ATG2A: variants seen among roughly 807,000 people sequenced by gnomAD.
The protein encoded by ATG2A is autophagy-related protein 2 homolog A.
In ATG2A, 103 loss-of-function variants were observed where a neutral mutation model predicts 214.2. The observed-to-expected ratio is 0.48, with a 90% CI of 0.41 to 0.57. The LOEUF (loss-of-function observed/expected upper bound fraction) is 0.57, where lower values mean the gene tolerates loss of function less well. ATG2A is among the 20% of genes least tolerant of loss of function. The pLI is 0.00. For missense variants in ATG2A, 2,312 were observed against 2,613.2 expected, an observed-to-expected ratio of 0.88 and a Z score of 2.51; for synonymous variants, 1,160 against 1,142.1, an observed-to-expected ratio of 1.02 and a Z score of -0.32.
intron 1 of ATG2A, 112 bp downstream of exon 1, chr11:64,916,853 T>C (rs1945007796): frequency 2.1e-6 from 3 of 1,453,240 alleles, no homozygotes; most frequent in East Asian, 2.5e-5. Flanking sequence ...AAGATTCCCC[T>C]GGCCTCTCTA....
chr11:64,901,991 T>C lies in ATG2A; in HGVS notation c.4090A>G (p.Ile1364Val). ...ATGCCCAGGCCGGGAGCATCAAGGA[T>C]GCAGAACTCATCACTGTCCAGGGTG... Reference protein sequence around the residue: ...GDTLDSDEFCILDAPGLGIPP... With the variant: ...GDTLDSDEFCVLDAPGLGIPP... Residue 1364 changes from isoleucine to valine, a missense_variant, in exon 29 of 41, where the codon ATC (isoleucine) becomes GTC (valine). Physicochemically the swap from Ile to Val is conservative, Grantham distance 29. Coordinates refer to ENST00000377264, the MANE Select transcript of ATG2A (RefSeq NM_015104.3). The C allele has an allele frequency of 1.9e-6, 3 of 1,613,844 alleles. No individual in the cohort carries two copies. The highest frequency in any genetic ancestry group is 2.5e-6 in the Non-Finnish European group (3 of 1,180,016).
In ATG2A at chr11:64,909,772, C is replaced by T; in HGVS notation, c.2016G>A (p.Glu672=). 1 of 1,612,778 alleles carries T rather than the reference C, an allele frequency of 6.2e-7. No individual in the cohort carries two copies. The highest frequency in any genetic ancestry group is 8.5e-7 in the Non-Finnish European group (1 of 1,179,952). ...CTGACCGGAACTGGGGCTCACTCAGCTCCAGCCGAAGCTGCTCAGCCCGCA... is the reference window on the plus strand; with the variant it reads ...CTGACCGGAACTGGGGCTCACTCAGTTCCAGCCGAAGCTGCTCAGCCCGCA... The part of the protein sequence containing the change: ...QAVRAEQLRL[E]LSEPQFRSEL... Residue 672 remains glutamate, a synonymous_variant, in exon 14 of 41, where the codon GAG becomes GAA. Coordinates refer to ENST00000377264, the MANE Select transcript of ATG2A (RefSeq NM_015104.3).
chr11:64,909,481 C>A, intron 14 of ATG2A, 114 bp from the exon 15 acceptor site: 2 of 1,367,526 alleles, frequency 1.5e-6, no homozygotes, highest in Non-Finnish European at 2.0e-6. Context: ...CCTTGGTGGG[C>A]AGAGAAAGCC....
rs1171369887 is a variant in ATG2A at position 64,907,619 on chromosome 11, G to A, written c.2553C>T (p.Pro851=). The stretch of plus-strand genomic sequence containing the variant: ...AGGGCTGGGCGGCGGGGTCGGGGGT[G>A]GGAAGCAGATCTGCAGGCTCCCACA... ...LLMWEPADLL[P]TPDPAAQPSG... Residue 851 remains proline, a synonymous_variant, in exon 18 of 41, where the codon CCC becomes CCT. Transcript: ENST00000377264. 2 of 988,526 alleles carry A rather than the reference G, an allele frequency of 2.0e-6. No individual in the cohort carries two copies. The highest frequency in any genetic ancestry group is 1.6e-5 in the African/African-American group (1 of 61,470). 61.2% of individuals were successfully genotyped at this position (988,526 alleles called of 1,614,324 possible).
At chr11:64,916,056 C>T (rs1944970219) in intron 1 of ATG2A, among the ~76,000 whole-genome samples, 1 of 152,240 alleles carries the variant, frequency 6.6e-6, no homozygotes, top group Non-Finnish European at 1.5e-5. Context: ...TCCCTGCCTC[C>T]ATGCCCACCC....
intron 24 of ATG2A, among the ~76,000 whole-genome samples, chr11:64,904,548 A>T (rs942648462): frequency 6.6e-6 from 1 of 152,140 alleles, no homozygotes; most frequent in African/African-American, 2.4e-5. Flanking sequence ...TGTCTCAAAA[A>T]AAAAAAATAA....
intron 1 of ATG2A, 141 bp downstream of exon 1, chr11:64,916,824 T>G: frequency 8.8e-7 from 1 of 1,133,670 alleles, no homozygotes; most frequent in Non-Finnish European, 1.2e-6. Flanking sequence ...CCGGGGTGCC[T>G]CTGACGCCTG....
Position 64,896,840 on chromosome 11 carries a change from T to C in ATG2A, c.5180A>G (p.Tyr1727Cys). The C allele has an allele frequency of 6.2e-7, 1 of 1,614,152 alleles. No individual in the cohort carries two copies. Among genetic ancestry groups the C allele is most frequent in the Non-Finnish European group, 8.5e-7 (1 of 1,180,026 alleles). ...GLLGVDKVLG[Y>C]ALNEWLQDIR... ...GTCCTGCAGCCACTCGTTGAGGGCA[T>C]AGCCCAGCACCTTGTCCACACCCAG... The change falls in exon 38 of 41, where the codon TAT (tyrosine) becomes TGT (cysteine). Residue 1727 changes from tyrosine (Y) to cysteine (C), a missense_variant. Tyr to Cys is a radical substitution (Grantham distance 194, BLOSUM62 -2). Coordinates refer to ENST00000377264, the MANE Select transcript of ATG2A (RefSeq NM_015104.3).
At position 64,906,662 on chromosome 11, in the gene ATG2A, C is replaced by T. The variant is rs1159005172; in HGVS notation, c.2983+3G>A. On this transcript the variant is annotated splice_donor_region_variant and intron_variant, in intron 20 of 40. Transcript: ENST00000377264. The stretch of plus-strand genomic sequence containing the variant: ...AGTGGTGACCTGCCCCCAGGCCTCA[C>T]ACCTCGGTGGTAGAGTGTTGCCTTT... The T allele has an allele frequency of 1.2e-6, 2 of 1,613,448 alleles. No homozygotes were observed. The highest frequency in any genetic ancestry group is 2.2e-5 in the East Asian group (1 of 44,876).
In ATG2A at chr11:64,907,645, T is replaced by C; in HGVS notation, c.2527A>G (p.Met843Val). The C allele has an allele frequency of 1.3e-6, 2 of 1,598,988 alleles. No individual in the cohort carries two copies. The highest frequency in any genetic ancestry group is 1.3e-5 in the African/African-American group (1 of 74,874). The change falls in exon 18 of 41, where the codon ATG (methionine) becomes GTG (valine). Residue 843 changes from methionine (M) to valine (V), a missense_variant. Physicochemically the swap from Met to Val is conservative, Grantham distance 21. Coordinates refer to ENST00000377264, the MANE Select transcript of ATG2A (RefSeq NM_015104.3). ...GGAAGCAGATCTGCAGGCTCCCACATGAGCAGGTCGTTGTTGATCCTGAGA... is the reference window on the plus strand; with the variant it reads ...GGAAGCAGATCTGCAGGCTCCCACACGAGCAGGTCGTTGTTGATCCTGAGA... ...IYNRINNDLLMWEPADLLPTP... is the reference protein window; with the variant it reads ...IYNRINNDLLVWEPADLLPTP...
Position 64,895,189 on chromosome 11 carries a change from C to T in ATG2A, c.5601G>A (p.Gln1867=). The T allele has an allele frequency of 6.2e-7, 1 of 1,613,082 alleles. No individual in the cohort carries two copies. Among genetic ancestry groups the T allele is most frequent in the Non-Finnish European group, 8.5e-7 (1 of 1,179,632 alleles). The part of the protein sequence containing the change: ...TVREGILDTA[Q]TICDVASRGH... Reference sequence around the variant, plus strand: ...CCCGCGATGCCACGTCACAGATGGTCTGAGCTGTATCCAAGATGCCCTGTG... The same window carrying T: ...CCCGCGATGCCACGTCACAGATGGTTTGAGCTGTATCCAAGATGCCCTGTG... The change falls in exon 41 of 41, where the codon CAG becomes CAA. Residue 1867 remains glutamine (Q), a synonymous_variant. Transcript: ENST00000377264. The surrounding 1 kb of genome is among the most constrained non-coding windows in gnomAD (Gnocchi z 5.0).
At position 64,902,189 on chromosome 11, in the gene ATG2A, G is replaced by C; in HGVS notation, c.3905-13C>G. 2 of 1,612,890 alleles carry C rather than the reference G, an allele frequency of 1.2e-6. No homozygotes were observed. The highest frequency in any genetic ancestry group is 1.7e-6 in the Non-Finnish European group (2 of 1,179,984). ...GGGAGGTGGCCACCTATAGGAGAGA[G>C]GCCAGTTTGGAGAGGCGCCCACAGT... On this transcript the variant is annotated splice_polypyrimidine_tract_variant and intron_variant, in intron 28 of 40. Coordinates refer to ENST00000377264, the MANE Select transcript of ATG2A (RefSeq NM_015104.3).
At chr11:64,897,083 C>CG in intron 37 of ATG2A, 1 of 726,840 alleles carries the variant, frequency 1.4e-6, no homozygotes, top group South Asian at 2.0e-5. Context: ...TGAAGTGGTG[C>CG]GATCTTGGCT....
intron 14 of ATG2A, 152 bp from the exon 15 acceptor site, chr11:64,909,519 G>T: frequency 1.4e-6 from 2 of 1,418,326 alleles, no homozygotes; most frequent in African/African-American, 1.4e-5. Context: ...CCTACTTGTC[G>T]GTGAGGAGGC....
chr11:64,907,597 G>T lies in ATG2A; in HGVS notation c.2575C>A (p.Pro859Thr). The change falls in exon 18 of 41, where the codon CCC (proline) becomes ACC (threonine). Residue 859 changes from proline to threonine, a missense_variant. Transcript: ENST00000377264. ...LLPTPDPAAQ[P>T]SGFPGPSGFW... The stretch of plus-strand genomic sequence containing the variant: ...CCTGAGGGGCCGGGGAAGCCCGAGG[G>T]CTGGGCGGCGGGGTCGGGGGTGGGA... 6.3e-7 allele frequency: 1 copy of T among 1,588,078 alleles called. No homozygotes were observed. Among genetic ancestry groups the T allele is most frequent in the Admixed American group, 1.7e-5 (1 of 58,612 alleles).
At chr11:64,901,410 T>C (rs1944347729) in intron 29 of ATG2A, among the ~76,000 whole-genome samples, 1 of 152,118 alleles carries the variant, frequency 6.6e-6, no homozygotes, top group African/African-American at 2.4e-5. Flanking sequence ...TAATCTCTCA[T>C]TGCTGGACTC....
chr11:64,900,392 A>AGG (rs1452956244), intron 31 of ATG2A, 102 bp downstream of exon 31: 56 of 1,565,436 alleles, frequency 3.6e-5, no homozygotes, highest in Non-Finnish European at 4.6e-5. Flanking sequence ...CTACAAAGGC[A>AGG]GGGGTTTTCC....
In ATG2A at chr11:64,910,180, A is replaced by G; in HGVS notation, c.1723T>C (p.Ser575Pro). 6.2e-7 allele frequency: 1 copy of G among 1,604,246 alleles called. No individual in the cohort carries two copies. Among genetic ancestry groups the G allele is most frequent in the Admixed American group, 1.7e-5 (1 of 58,262 alleles). Residue 575 changes from serine to proline, a missense_variant, in exon 13 of 41, where the codon TCA (serine) becomes CCA (proline). Physicochemically the swap from Ser to Pro is moderately conservative, Grantham distance 74. Transcript: ENST00000377264. ...TCTGAGTGGCAATGGCAGGCAACTGAGCGCCGGGGTCGGCTCTGAGGGCGA... is the reference window on the plus strand; with the variant it reads ...TCTGAGTGGCAATGGCAGGCAACTGGGCGCCGGGGTCGGCTCTGAGGGCGA... ...RRVPKSRPRR[S>P]VACHCHSELA...
chr11:64,901,977 G>A lies in ATG2A; in HGVS notation c.4104C>T (p.Pro1368=), dbSNP rs368325120. ...DSDEFCILDA[P]GLGIPPRDGE... is the part of the protein sequence containing the mutation. ...CACCACGCACCGGGATGCCCAGGCC[G>A]GGAGCATCAAGGATGCAGAACTCAT... The change falls in exon 29 of 41, where the codon CCC becomes CCT. Residue 1368 remains proline, a synonymous_variant. Transcript: ENST00000377264. 32 of 1,613,258 alleles carry A rather than the reference G, an allele frequency of 2.0e-5. 1 individual carries two copies. Among genetic ancestry groups the A allele is most frequent in the African/African-American group, 1.5e-4 (11 of 74,932 alleles).
Sources: gnomAD v4.1 joint callset for allele counts (sites outside exome capture counted in the v4.1 genomes callset) on GRCh38, gnomAD v4.1.1 for gene constraint, Gnocchi (gnomAD v3.1) non-coding constraint, MANE v1.5 for transcripts, NCBI Gene and HGNC (gene_info 2026-07-23, HGNC 2026-07-21) for gene names.